Variants in CDH18 observed in about 807,000 individuals in gnomAD.
The protein encoded by CDH18 is cadherin 18.
CDH18 carries 31 observed loss-of-function variants against 67.9 expected under a neutral mutation model. The ratio of observed to expected loss-of-function variants is 0.46; its 90% CI spans 0.34 to 0.62. The LOEUF (loss-of-function observed/expected upper bound fraction) is 0.62. CDH18 is among the 20% of genes least tolerant of loss of function. The probability of loss-of-function intolerance (pLI) is 0.01; values close to 1 mark genes in which losing one functional copy is unlikely to be tolerated. For missense variants in CDH18, 890 were observed against 975.5 expected, an observed-to-expected ratio of 0.91 and a Z score of 1.17; for synonymous variants, 362 against 347.2, an observed-to-expected ratio of 1.04 and a Z score of -0.48.
chr5:20,500,365 C>T (rs1754184630), intron 1 of CDH18, among the ~76,000 whole-genome samples: 2 of 152,078 alleles, frequency 1.3e-5, no homozygotes, highest in Admixed American at 1.3e-4. Context: ...CTTGCACATC[C>T]TTCTAACAAA....
At position 20,557,427 on chromosome 5, in the gene CDH18, A is replaced by G. The variant is rs79812445; in HGVS notation, c.-580+18035T>C. 9.7e-3 allele frequency among the ~76,000 whole-genome samples: 1,485 copies of G among 152,312 alleles called. 27 individuals carry two copies. The highest frequency in any genetic ancestry group is 0.034 in the African/African-American group (1,409 of 41,592). ...ATTAAAAAATCACAAAGGAAGAGAT[A>G]TAGATTAGTAGTAACACATATGTGA... On this transcript the variant is annotated intron_variant, in intron 1 of 14. Coordinates refer to the CDH18 transcript ENST00000507958.
At chr5:20,345,279 T>A (rs188775365) in intron 1 of CDH18, among the ~76,000 whole-genome samples, 77 of 152,232 alleles carry the variant, frequency 5.1e-4, no homozygotes, top group African/African-American at 1.7e-3. Flanking sequence ...GGGGTACTAT[T>A]TTTTATAACT....
chr5:19,517,229 T>C (rs1282025617), intron 10 of CDH18, among the ~76,000 whole-genome samples: 5 of 152,142 alleles, frequency 3.3e-5, no homozygotes, highest in Non-Finnish European at 7.4e-5. Flanking sequence ...TTTTAAAAAA[T>C]ATGTGGAATA....
At chr5:19,600,266 T>C (rs141708915) in intron 6 of CDH18, among the ~76,000 whole-genome samples, 189 of 151,642 alleles carry the variant, frequency 1.2e-3, no homozygotes, top group African/African-American at 4.4e-3. Flanking sequence ...AGTTAATGGG[T>C]GCAGCAAACC....
intron 12 of CDH18, among the ~76,000 whole-genome samples, chr5:19,477,552 G>T (rs2126535207): frequency 6.6e-6 from 1 of 152,048 alleles, no homozygotes; most frequent in African/African-American, 2.4e-5. Context: ...TTGTACTGGA[G>T]AATATTTCTT....
chr5:19,488,379 T>G (rs1740744029), intron 11 of CDH18, among the ~76,000 whole-genome samples: 1 of 152,184 alleles, frequency 6.6e-6, no homozygotes, highest in Non-Finnish European at 1.5e-5. Flanking sequence ...AAGCATAGCC[T>G]GCCAGACCAT....
chr5:19,779,896 T>G (rs1464225022), intron 3 of CDH18, among the ~76,000 whole-genome samples: 1 of 152,156 alleles, frequency 6.6e-6, no homozygotes, highest in East Asian at 1.9e-4. Context: ...AAATAAGACA[T>G]AGACTAACAA....
At chr5:19,680,323 C>T (rs1185159829) in intron 5 of CDH18, among the ~76,000 whole-genome samples, 8 of 151,716 alleles carry the variant, frequency 5.3e-5, no homozygotes, top group Admixed American at 5.3e-4. Context: ...CTTTAAAAAC[C>T]CTGGAAGAAA....
At chr5:19,676,644 G>GA (rs1046787006) in intron 5 of CDH18, among the ~76,000 whole-genome samples, 6 of 151,920 alleles carry the variant, frequency 3.9e-5, no homozygotes, top group Non-Finnish European at 2.9e-5. Context: ...CACATTAAGA[G>GA]AAAAAATGGC....
chr5:19,675,296 C>T (rs1759319938), intron 5 of CDH18, among the ~76,000 whole-genome samples: 1 of 151,890 alleles, frequency 6.6e-6, no homozygotes, highest in Non-Finnish European at 1.5e-5. Flanking sequence ...TATCAGGAGA[C>T]TGGGTTTGAG....
chr5:19,810,265 A>C (rs1277831395), intron 3 of CDH18, among the ~76,000 whole-genome samples: 1 of 152,108 alleles, frequency 6.6e-6, no homozygotes, highest in Non-Finnish European at 1.5e-5. Flanking sequence ...TGGGAGGTGG[A>C]GGTTTCAGTG....
At chr5:19,963,226 C>A (rs530407138) in intron 2 of CDH18, among the ~76,000 whole-genome samples, 50 of 152,198 alleles carry the variant, frequency 3.3e-4, no homozygotes, top group African/African-American at 1.2e-3. Flanking sequence ...TAAAACAATT[C>A]TTAAGCAGTT....
chr5:20,185,784 T>G (rs138791601), intron 2 of CDH18, among the ~76,000 whole-genome samples: 1 of 152,010 alleles, frequency 6.6e-6, no homozygotes, highest in Admixed American at 6.6e-5. Flanking sequence ...ACATTACATA[T>G]TCCATACACA....
At chr5:19,517,003 T>C (rs1297808227) in intron 10 of CDH18, among the ~76,000 whole-genome samples, 1 of 152,120 alleles carries the variant, frequency 6.6e-6, no homozygotes, top group Non-Finnish European at 1.5e-5. Flanking sequence ...TGCCCAAAAA[T>C]GCAGTTCTGA....
chr5:19,829,383 T>C (rs1394078445), intron 3 of CDH18, among the ~76,000 whole-genome samples: 3 of 152,168 alleles, frequency 2.0e-5, no homozygotes, highest in African/African-American at 7.2e-5. Context: ...AAAAAATCAT[T>C]GTACAAAAAT....
intron 5 of CDH18, among the ~76,000 whole-genome samples, chr5:19,634,263 G>T (rs1162086218): frequency 6.6e-6 from 1 of 152,134 alleles, no homozygotes; most frequent in Non-Finnish European, 1.5e-5. Context: ...AAAGTCAGAT[G>T]ATGCTTTCTT....
At chr5:20,247,504 C>T (rs1450732675) in intron 2 of CDH18, among the ~76,000 whole-genome samples, 6 of 152,088 alleles carry the variant, frequency 3.9e-5, no homozygotes, top group African/African-American at 9.7e-5. Context: ...CAGTGGCTCA[C>T]GCCTGGAATC....
intron 1 of CDH18, among the ~76,000 whole-genome samples, chr5:20,303,095 CAT>C (rs1212962596): frequency 1.1e-4 from 17 of 152,244 alleles, no homozygotes; most frequent in African/African-American, 3.9e-4. Flanking sequence ...TACCTTATTA[CAT>C]GTTTCCTAGT....
rs1299604045 is a variant in CDH18 at position 20,063,076 on chromosome 5, T to C, written c.-517-71062A>G. 3.3e-5 allele frequency among the ~76,000 whole-genome samples: 5 copies of C among 150,778 alleles called. No individual in the cohort carries two copies. The East Asian group carries it at 9.7e-4, about 29-fold the overall frequency. On this transcript the variant is annotated intron_variant, in intron 2 of 14. Coordinates refer to the CDH18 transcript ENST00000507958. ...TGCTTCTTATAGAAATAAAAATAATTATGTCTTTGATCAAATACTTTTTGA... is the reference window on the plus strand; with the variant it reads ...TGCTTCTTATAGAAATAAAAATAATCATGTCTTTGATCAAATACTTTTTGA...
Sources: allele counts gnomAD v4.1 joint callset (sites outside exome capture counted in the v4.1 genomes callset), GRCh38; gene constraint gnomAD v4.1.1; transcripts MANE v1.5; gene names NCBI Gene and HGNC (gene_info 2026-07-23, HGNC 2026-07-21).